CBR4: variants seen among roughly 807,000 people sequenced by gnomAD.
The protein encoded by CBR4 is 3-oxoacyl-[acyl-carrier-protein] reductase.
A neutral mutation model predicts 21.0 loss-of-function variants in CBR4; 22 were observed. The ratio of observed to expected loss-of-function variants is 1.05; its 90% CI spans 0.75 to 1.50. The LOEUF (loss-of-function observed/expected upper bound fraction) is 1.50, where lower values mean the gene tolerates loss of function less well. Among genes scored for constraint, CBR4 ranks in the 40% most tolerant of loss-of-function variants. CBR4 has a pLI of 0.00. For missense variants in CBR4, 302 were observed against 286.3 expected (o/e 1.05, Z -0.40); for synonymous variants, 100 against 104.4 (o/e 0.96, Z 0.26).
At chr4:168,916,684 C>CTTTTT (rs545906704) in intron 2 of CBR4, among the ~76,000 whole-genome samples, 5 of 136,436 alleles carry the variant, frequency 3.7e-5, no homozygotes, top group Admixed American at 7.6e-5. Flanking sequence ...TTTTCTAATT[C>CTTTTT]TTTTTTTTTT....
At chr4:168,974,534 G>A (rs1216484235) in intron 2 of CBR4, among the ~76,000 whole-genome samples, 2 of 152,126 alleles carry the variant, frequency 1.3e-5, no homozygotes, top group South Asian at 2.1e-4. Flanking sequence ...TTATTCCTCA[G>A]GAACACCAAT....
intron 1 of CBR4, among the ~76,000 whole-genome samples, 178 bp from the exon 2 acceptor site, chr4:169,007,934 G>A (rs1192558056): frequency 1.3e-5 from 2 of 152,110 alleles, no homozygotes; most frequent in Non-Finnish European, 2.9e-5. Flanking sequence ...ACTGGGATGC[G>A]GGAACAAAGA....
intron 2 of CBR4, among the ~76,000 whole-genome samples, chr4:168,971,005 G>C (rs1037530958): frequency 6.6e-6 from 1 of 152,156 alleles, no homozygotes; most frequent in East Asian, 1.9e-4. Context: ...GAGCGGGATT[G>C]CTGGATCAAA....
chr4:168,905,156 T>TG (rs1560895198), intron 2 of CBR4, among the ~76,000 whole-genome samples: 5 of 136,660 alleles, frequency 3.7e-5, no homozygotes, highest in African/African-American at 5.4e-5. Flanking sequence ...TTTTTTTTTT[T>TG]TTTTTTTTTT....
intron 2 of CBR4, among the ~76,000 whole-genome samples, chr4:168,960,425 A>G (rs950226750): frequency 2.6e-5 from 4 of 152,248 alleles, no homozygotes; most frequent in African/African-American, 9.6e-5. Flanking sequence ...TATGCAGTAT[A>G]TGCTATAACT....
At chr4:168,936,577 G>C (rs930032486) in intron 2 of CBR4, among the ~76,000 whole-genome samples, 4 of 152,118 alleles carry the variant, frequency 2.6e-5, no homozygotes, top group African/African-American at 9.7e-5. Flanking sequence ...AACCAGTTTA[G>C]AGAAGAACAT....
intron 1 of CBR4, among the ~76,000 whole-genome samples, chr4:169,007,990 T>A (rs570895663): frequency 1.8e-4 from 28 of 152,216 alleles, no homozygotes; most frequent in Non-Finnish European, 3.7e-4. Flanking sequence ...AATTTTCTTT[T>A]TAATCAACAA....
At chr4:168,896,596 A>G (rs1325409012) in intron 2 of CBR4, 1 of 1,503,442 alleles carries the variant, frequency 6.7e-7, no homozygotes, top group African/African-American at 1.4e-5. Context: ...TGGATGGTCA[A>G]AAGGTTAAGC....
chr4:168,925,061 C>A, intron 2 of CBR4: 1 of 1,614,018 alleles, frequency 6.2e-7, no homozygotes. Context: ...TCCTGTACTG[C>A]CAGGCTGGAC....
At chr4:168,986,269 CCA>C (rs1385999286), downstream of CBR4, among the ~76,000 whole-genome samples, 1 of 152,116 alleles carries the variant, frequency 6.6e-6, no homozygotes, top group Non-Finnish European at 1.5e-5. Context: ...ACTTGAGCAT[CCA>C]CAGATTTTGG....
At chr4:168,958,534 C>T (rs1763753112) in intron 2 of CBR4, among the ~76,000 whole-genome samples, 1 of 152,156 alleles carries the variant, frequency 6.6e-6, no homozygotes, top group Admixed American at 6.5e-5. Flanking sequence ...CAATAATATA[C>T]AAATCTTTGT....
chr4:168,967,280 C>G (rs914379276), intron 2 of CBR4, among the ~76,000 whole-genome samples: 5 of 152,092 alleles, frequency 3.3e-5, no homozygotes, highest in Non-Finnish European at 2.9e-5. Context: ...ACCGCATGTT[C>G]TCACTCATAG....
chr4:169,004,178 A>G (rs1387763005), intron 3 of CBR4, among the ~76,000 whole-genome samples: 2 of 152,176 alleles, frequency 1.3e-5, no homozygotes, highest in Non-Finnish European at 2.9e-5. Flanking sequence ...TCAAGGCAAG[A>G]CCCTCCGCCA....
At chr4:168,971,313 G>C (rs1181603303) in intron 2 of CBR4, among the ~76,000 whole-genome samples, 1 of 151,998 alleles carries the variant, frequency 6.6e-6, no homozygotes, top group Non-Finnish European at 1.5e-5. Context: ...TTGTCACCCA[G>C]GCTGGAGTGC....
At position 168,989,455 on chromosome 4, in the gene CBR4, G is replaced by A. The variant is rs1460534977; in HGVS notation, c.*695C>T. ...TCAATCAAGAGAAATACCACTCAAA[G>A]AAATCAATTCTAAATTCATGTCTTT... is the stretch of plus-strand genomic sequence containing the variant. On this transcript the variant is annotated 3_prime_UTR_variant, in exon 5 of 5. Coordinates refer to ENST00000306193, the MANE Select transcript of CBR4 (RefSeq NM_032783.5). The A allele has an allele frequency of 2.0e-6, 2 of 985,190 alleles. No homozygotes were observed. Among genetic ancestry groups the A allele is most frequent in the Non-Finnish European group, 2.4e-6 (2 of 829,890 alleles). The allele number at this position is 985,190 out of a possible 1,614,324, so 61.0% of individuals were successfully genotyped here.
chr4:168,993,814 C>T (rs1765043771), intron 4 of CBR4, among the ~76,000 whole-genome samples: 1 of 152,130 alleles, frequency 6.6e-6, no homozygotes, highest in African/African-American at 2.4e-5. Flanking sequence ...GACCTTGTGA[C>T]TATGCAAATC....
intron 2 of CBR4, chr4:168,903,694 A>G: frequency 7.4e-7 from 1 of 1,354,324 alleles, no homozygotes; most frequent in African/African-American, 1.4e-5. Flanking sequence ...TACTATTTTC[A>G]GTTCTCCAAA....
chr4:168,944,894 C>G (rs1763361696), intron 2 of CBR4, among the ~76,000 whole-genome samples: 1 of 152,198 alleles, frequency 6.6e-6, no homozygotes, highest in Non-Finnish European at 1.5e-5. Context: ...CAATCATAAA[C>G]TTGTGCTGTT....
intron 2 of CBR4, among the ~76,000 whole-genome samples, chr4:168,948,527 T>G (rs1763455230): frequency 6.6e-6 from 1 of 152,210 alleles, no homozygotes; most frequent in Non-Finnish European, 1.5e-5. Flanking sequence ...TAATCCATCT[T>G]GAGTTGATTT....
Sources: allele counts gnomAD v4.1 joint callset (sites outside exome capture counted in the v4.1 genomes callset), GRCh38; gene constraint gnomAD v4.1.1; transcripts MANE v1.5; gene names NCBI Gene and HGNC (gene_info 2026-07-23, HGNC 2026-07-21).